C2orf92: variants seen among roughly 807,000 people sequenced by gnomAD.
C2orf92 encodes uncharacterized protein C2orf92.
chr2:97,694,036 A>G lies in C2orf92; in HGVS notation c.403+3709A>G, dbSNP rs111833496. Among the ~76,000 whole-genome samples, 1,299 of 152,260 alleles carry G rather than the reference A, an allele frequency of 8.5e-3. 22 individuals are homozygous for G. Among genetic ancestry groups the G allele is most frequent in the African/African-American group, 0.029 (1,222 of 41,542 alleles). On this transcript the variant is annotated intron_variant, in intron 5 of 7. Coordinates refer to ENST00000627399, the MANE Select transcript of C2orf92 (RefSeq NM_001351368.2). The stretch of plus-strand genomic sequence containing the variant: ...AGAACTCTTTTCATCTTATAAAACC[A>G]AAACTCTATACTCATTAAATAATAA...
chr2:97,694,764 G>A (rs1676256391), intron 5 of C2orf92, among the ~76,000 whole-genome samples: 1 of 152,102 alleles, frequency 6.6e-6, no homozygotes, highest in African/African-American at 2.4e-5. Context: ...AAGTGAGATT[G>A]CTGGATGATA....
chr2:97,665,639 G>C (rs532428496), upstream of C2orf92, among the ~76,000 whole-genome samples: 11 of 143,236 alleles, frequency 7.7e-5, no homozygotes, highest in Non-Finnish European at 1.5e-4. Context: ...AGTGCTTTTT[G>C]ATTTAAAGAA....
At position 97,675,826 on chromosome 2, in the gene C2orf92, A is replaced by G. The variant is rs2104544172; in HGVS notation, c.149-19A>G. On this transcript the variant is annotated intron_variant, in intron 2 of 7. Coordinates refer to ENST00000627399, the MANE Select transcript of C2orf92 (RefSeq NM_001351368.2). ...CCCAATGAAAGACTTAATCACAGCC[A>G]TGGTTTATTTTCCCTTAGGCTATTC... 2.5e-6 allele frequency: 1 copy of G among 399,128 alleles called. No individual in the cohort carries two copies. Among genetic ancestry groups the G allele is most frequent in the Non-Finnish European group, 4.4e-6 (1 of 226,074 alleles). 24.7% of individuals were successfully genotyped at this position (399,128 alleles called of 1,614,324 possible).
At chr2:97,683,357 G>GAGAAACAA (rs1675846401) in intron 3 of C2orf92, among the ~76,000 whole-genome samples, 1 of 152,058 alleles carries the variant, frequency 6.6e-6, no homozygotes, top group Non-Finnish European at 1.5e-5. Flanking sequence ...AAAGAAAATA[G>GAGAAACAA]AGAAACAAAG....
chr2:97,683,965 C>T (rs553173860), intron 3 of C2orf92, among the ~76,000 whole-genome samples: 17 of 150,040 alleles, frequency 1.1e-4, no homozygotes, highest in South Asian at 6.3e-4. Context: ...CCTGGGTTCA[C>T]GCCATTCTCC....
At chr2:97,667,373 C>G (rs1675268928), upstream of C2orf92, among the ~76,000 whole-genome samples, 1 of 150,654 alleles carries the variant, frequency 6.6e-6, no homozygotes, top group African/African-American at 2.4e-5. Context: ...GGCAATTCTC[C>G]TGGCTCAGCC....
intron 5 of C2orf92, among the ~76,000 whole-genome samples, chr2:97,694,756 G>C (rs920103073): frequency 6.6e-6 from 1 of 152,150 alleles, no homozygotes; most frequent in African/African-American, 2.4e-5. Context: ...ATACTCAGAA[G>C]TGAGATTGCT....
chr2:97,695,490 C>T (rs1573226632), intron 5 of C2orf92, among the ~76,000 whole-genome samples: 1 of 152,174 alleles, frequency 6.6e-6, no homozygotes, highest in East Asian at 1.9e-4. Flanking sequence ...CAAGATACCT[C>T]AGCCCCTGAA....
chr2:97,682,610 A>G (rs1254545086), intron 3 of C2orf92, among the ~76,000 whole-genome samples: 1 of 152,204 alleles, frequency 6.6e-6, no homozygotes, highest in African/African-American at 2.4e-5. Flanking sequence ...AGGACTATAC[A>G]CCAGACCAAG....
chr2:97,700,208 C>A (rs1247868242), intron 6 of C2orf92, among the ~76,000 whole-genome samples: 2 of 152,208 alleles, frequency 1.3e-5, no homozygotes, highest in Non-Finnish European at 2.9e-5. Flanking sequence ...ATTCCGTCCA[C>A]TCTCACAATT....
At chr2:97,691,533 A>T (rs1676136982) in intron 5 of C2orf92, among the ~76,000 whole-genome samples, 1 of 152,230 alleles carries the variant, frequency 6.6e-6, no homozygotes, top group Non-Finnish European at 1.5e-5. Flanking sequence ...GAATCCATGA[A>T]GCATTTCTCC....
intron 3 of C2orf92, among the ~76,000 whole-genome samples, chr2:97,680,323 T>A (rs1559299700): frequency 6.6e-6 from 1 of 151,902 alleles, no homozygotes; most frequent in Non-Finnish European, 1.5e-5. Context: ...AAGAGCAAAA[T>A]GGCAGATTAA....
chr2:97,702,558 A>G (rs1676527966), intron 7 of C2orf92, 111 bp from the exon 8 acceptor site: 1 of 397,026 alleles, frequency 2.5e-6, no homozygotes, highest in Non-Finnish European at 4.4e-6. Flanking sequence ...TACTGATGGG[A>G]AGCAGAATCC....
At chr2:97,684,994 A>G (rs948986670) in intron 3 of C2orf92, among the ~76,000 whole-genome samples, 3 of 151,998 alleles carry the variant, frequency 2.0e-5, no homozygotes, top group South Asian at 4.2e-4. Flanking sequence ...TAGTGGCACA[A>G]TCTTGGCTCA....
rs536515227 is a variant in C2orf92 at position 97,698,952 on chromosome 2, C to G, written c.404-74C>G. The G allele has an allele frequency of 7.6e-6, 3 of 397,022 alleles. No individual in the cohort carries two copies. In the East Asian group the frequency reaches 1.1e-4, roughly 14 times the overall value. The allele number at this position is 397,022 out of a possible 1,614,324, so 24.6% of individuals were successfully genotyped here. A position where few individuals can be genotyped will look rare whatever the true frequency, so the allele number is the denominator to read the frequency against. On this transcript the variant is annotated intron_variant, in intron 5 of 7. Transcript: ENST00000627399. The stretch of plus-strand genomic sequence containing the variant: ...CTCCTCACTTTGAGTCTAGAAGAAG[C>G]TACTTTTATCATAAACGCTGAACTA...
At chr2:97,665,049 T>C (rs1675162162), upstream of C2orf92, among the ~76,000 whole-genome samples, 1 of 152,212 alleles carries the variant, frequency 6.6e-6, no homozygotes, top group Admixed American at 6.5e-5. Context: ...GGTAGTTGTA[T>C]TATTACTCCC....
upstream of C2orf92, chr2:97,669,703 G>C (rs535981952): frequency 1.5e-5 from 6 of 397,988 alleles, no homozygotes; most frequent in Non-Finnish European, 2.7e-5. Context: ...GTTAGGTTCC[G>C]TGGTACCCTG....
intron 3 of C2orf92, among the ~76,000 whole-genome samples, chr2:97,683,115 A>ACACACAC (rs1185190319): frequency 9.9e-5 from 7 of 70,972 alleles, no homozygotes; most frequent in East Asian, 9.0e-4. Flanking sequence ...CACACACACA[A>ACACACAC]ACATATTAAA....
intron 1 of C2orf92, 47 bp from the exon 2 acceptor site, chr2:97,674,409 A>T (rs1675509260): frequency 2.5e-6 from 1 of 398,368 alleles, no homozygotes; most frequent in Admixed American, 4.4e-5. Context: ...TTAGGTACTT[A>T]GCAAAATATT....
Sources: gnomAD v4.1 joint callset for allele counts (sites outside exome capture counted in the v4.1 genomes callset) on GRCh38, gnomAD v4.1.1 for gene constraint, MANE v1.5 for transcripts, NCBI Gene and HGNC (gene_info 2026-07-23, HGNC 2026-07-21) for gene names.